The following NUDT7 variants were observed in gnomAD, a reference collection of about 807,000 sequenced individuals.
NUDT7 encodes the protein peroxisomal coenzyme A diphosphatase NUDT7.
NUDT7 carries 19 observed loss-of-function variants against 13.1 expected under a neutral mutation model. That is an observed-to-expected ratio of 1.45 (90% confidence interval 1.01 to 2.13). The LOEUF (loss-of-function observed/expected upper bound fraction) is 2.13. Ranked by LOEUF, NUDT7 falls within the 30% of genes most tolerant of loss-of-function variation. NUDT7 has a pLI of 0.00. For synonymous variants in NUDT7, 132 were observed against 109.7 expected (o/e 1.20, Z -1.27); for missense variants, 360 against 291.7 (o/e 1.23, Z -1.71).
intron 2 of NUDT7, among the ~76,000 whole-genome samples, chr16:77,727,977 T>C (rs572112803): frequency 1.1e-3 from 170 of 152,316 alleles, no homozygotes; most frequent in African/African-American, 3.9e-3. Flanking sequence ...GTTTCTTTTG[T>C]TTCACCCAGA....
chr16:77,732,915 G>C (rs1243575988), intron 2 of NUDT7, among the ~76,000 whole-genome samples: 2 of 152,208 alleles, frequency 1.3e-5, no homozygotes, highest in Non-Finnish European at 2.9e-5. Flanking sequence ...CACTGTTTCA[G>C]AGTTGCTGTA....
intron 2 of NUDT7, among the ~76,000 whole-genome samples, chr16:77,734,588 C>T (rs1479502317): frequency 6.6e-6 from 1 of 152,102 alleles, no homozygotes; most frequent in Non-Finnish European, 1.5e-5. Context: ...GCACACTGCA[C>T]TCCAGCGTGG....
chr16:77,739,334 A>T (rs2014586689), intron 3 of NUDT7, among the ~76,000 whole-genome samples: 1 of 152,224 alleles, frequency 6.6e-6, no homozygotes, highest in Admixed American at 6.5e-5. Flanking sequence ...GGGGTGGGTT[A>T]TTCATGAGTT....
chr16:77,730,542 G>C (rs974999509), intron 2 of NUDT7, among the ~76,000 whole-genome samples: 8 of 151,938 alleles, frequency 5.3e-5, no homozygotes, highest in African/African-American at 1.9e-4. Context: ...TCCATGTCTT[G>C]GCCATTGTGA....
chr16:77,731,320 A>G (rs2014311872), intron 2 of NUDT7, among the ~76,000 whole-genome samples: 1 of 151,552 alleles, frequency 6.6e-6, no homozygotes, highest in Non-Finnish European at 1.5e-5. Context: ...ATGTGCTGCA[A>G]AACTGTTTTT....
chr16:77,731,310 A>T (rs145695056), intron 2 of NUDT7, among the ~76,000 whole-genome samples: 1 of 152,072 alleles, frequency 6.6e-6, no homozygotes, highest in East Asian at 1.9e-4. Context: ...AAATACAGTC[A>T]TGTGCTGCAA....
Position 77,742,146 on chromosome 16 carries a change from G to T in NUDT7, c.*196G>T. On this transcript the variant is annotated 3_prime_UTR_variant, in exon 4 of 4. Coordinates refer to ENST00000268533, the MANE Select transcript of NUDT7 (RefSeq NM_001105663.3). ...AAAGCCATTCAAAAATGAAAACTAT[G>T]TTCATAGTGTTGCATATTTTCACCC... 6 of 1,275,522 alleles carry T rather than the reference G, an allele frequency of 4.7e-6. No individual in the cohort carries two copies. Among genetic ancestry groups the T allele is most frequent in the Non-Finnish European group, 6.0e-6 (6 of 1,000,392 alleles). 79.0% of individuals were successfully genotyped at this position (1,275,522 alleles called of 1,614,324 possible).
chr16:77,722,655 C>G lies in NUDT7; in HGVS notation c.35+38C>G, dbSNP rs982329874. The G allele has an allele frequency of 1.3e-6, 2 of 1,567,320 alleles. No individual in the cohort carries two copies. Among genetic ancestry groups the G allele is most frequent in the African/African-American group, 1.4e-5 (1 of 73,770 alleles). Reference sequence around the variant, plus strand: ...CGGGCCCTGGCACCCCGAGCTTGGTCAGGCCCGGCCTTGATCGTAGCGGAG... The same window carrying G: ...CGGGCCCTGGCACCCCGAGCTTGGTGAGGCCCGGCCTTGATCGTAGCGGAG... On this transcript the variant is annotated intron_variant, in intron 1 of 3. Coordinates refer to ENST00000268533, the MANE Select transcript of NUDT7 (RefSeq NM_001105663.3).
chr16:77,737,753 C>T (rs1001226351), intron 3 of NUDT7, among the ~76,000 whole-genome samples: 2 of 152,182 alleles, frequency 1.3e-5, no homozygotes, highest in African/African-American at 2.4e-5. Flanking sequence ...CCAAAGTGCT[C>T]GGACTATAGA....
intron 2 of NUDT7, 136 bp from the exon 3 acceptor site, chr16:77,735,692 A>C (rs890193469): frequency 1.3e-6 from 1 of 776,062 alleles, no homozygotes; most frequent in African/African-American, 1.7e-5. Flanking sequence ...ATTTGTGGGC[A>C]ATAGGGGTCT....
chr16:77,736,180 T>A, intron 3 of NUDT7, 194 bp downstream of exon 3: 2 of 520,492 alleles, frequency 3.8e-6, no homozygotes, highest in East Asian at 5.9e-5. Context: ...TCCGGACCCC[T>A]CTTTCCCCAT....
intron 3 of NUDT7, among the ~76,000 whole-genome samples, chr16:77,738,213 G>A (rs2014549843): frequency 6.6e-6 from 1 of 152,154 alleles, no homozygotes; most frequent in South Asian, 2.1e-4. Context: ...TAGCTATACT[G>A]ATTAAAAGTT....
chr16:77,740,187 A>G (rs900174850), intron 3 of NUDT7, among the ~76,000 whole-genome samples: 3 of 152,228 alleles, frequency 2.0e-5, no homozygotes, highest in Admixed American at 2.0e-4. Context: ...TACGAAGTCT[A>G]TGTTCCTCTT....
intron 2 of NUDT7, among the ~76,000 whole-genome samples, chr16:77,731,030 T>G (rs1319097908): frequency 6.6e-6 from 1 of 152,182 alleles, no homozygotes; most frequent in Non-Finnish European, 1.5e-5. Flanking sequence ...TTCCACAGAT[T>G]GTCTTTTCAT....
intron 2 of NUDT7, among the ~76,000 whole-genome samples, chr16:77,730,074 T>C (rs1439788819): frequency 1.3e-5 from 2 of 151,992 alleles, no homozygotes; most frequent in Non-Finnish European, 2.9e-5. Flanking sequence ...TTAACACACA[T>C]ACCTCATATG....
At chr16:77,733,446 T>A (rs1289496088) in intron 2 of NUDT7, among the ~76,000 whole-genome samples, 1 of 152,210 alleles carries the variant, frequency 6.6e-6, no homozygotes, top group Non-Finnish European at 1.5e-5. Flanking sequence ...TCTGCCCCCA[T>A]GACCTAAACA....
At chr16:77,736,675 A>G in intron 3 of NUDT7, 1 of 286,210 alleles carries the variant, frequency 3.5e-6, no homozygotes, top group Non-Finnish European at 7.5e-6. Context: ...TATGTTGATG[A>G]GGCTGGTCTC....
At chr16:77,726,981 C>G (rs2344153) in intron 2 of NUDT7, among the ~76,000 whole-genome samples, 49,474 of 151,684 alleles carry the variant, frequency 0.33, 9,180 homozygotes, top group African/African-American at 0.52. Flanking sequence ...AGAGAGAGAG[C>G]AGGGAAATAC....
At chr16:77,722,853 C>G (rs2014003534) in intron 1 of NUDT7, among the ~76,000 whole-genome samples, 1 of 152,192 alleles carries the variant, frequency 6.6e-6, no homozygotes, top group Non-Finnish European at 1.5e-5. Flanking sequence ...CACGCTGCTC[C>G]CCTTCCCAGC....
Sources: allele counts gnomAD v4.1 joint callset (sites outside exome capture counted in the v4.1 genomes callset), GRCh38; gene constraint gnomAD v4.1.1; transcripts MANE v1.5; gene names NCBI Gene and HGNC (gene_info 2026-07-23, HGNC 2026-07-21).